Variants in RBM25 observed in about 807,000 individuals in gnomAD.
RBM25 encodes the protein RNA-binding protein 25.
Under a neutral mutation model 120.7 loss-of-function variants are expected in RBM25, and 19 were observed. The ratio of observed to expected loss-of-function variants is 0.16; its 90% CI spans 0.11 to 0.23. The LOEUF (loss-of-function observed/expected upper bound fraction) is 0.23. Among genes scored for constraint, RBM25 ranks in the 10% least tolerant of loss-of-function variants. RBM25 has a pLI of 1.00. For missense variants in RBM25, 605 were observed against 1,041.5 expected, an observed-to-expected ratio of 0.58 and a Z score of 5.77; for synonymous variants, 390 against 326.7, an observed-to-expected ratio of 1.19 and a Z score of -2.09.
intron 7 of RBM25, among the ~76,000 whole-genome samples, chr14:73,098,576 GATAC>G (rs1236446387): frequency 6.6e-6 from 1 of 152,122 alleles, no homozygotes; most frequent in East Asian, 1.9e-4. Context: ...TTTGTGGCCA[GATAC>G]ATACATTTTT....
chr14:73,104,223 A>G (rs971538736), intron 10 of RBM25, among the ~76,000 whole-genome samples: 4 of 151,996 alleles, frequency 2.6e-5, no homozygotes, highest in African/African-American at 9.7e-5. Flanking sequence ...TTTAGCCCCT[A>G]GCATTTTTAT....
At chr14:73,115,460 A>T (rs1453804305) in intron 18 of RBM25, among the ~76,000 whole-genome samples, 2 of 152,188 alleles carry the variant, frequency 1.3e-5, no homozygotes, top group Non-Finnish European at 2.9e-5. Context: ...TTTGCTAAGG[A>T]TAGTGGCCTC....
In RBM25 at chr14:73,123,651, G is replaced by A. The variant is rs2140473108; in HGVS notation, c.*3846G>A. 6.6e-6 allele frequency: 1 copy of A among 152,262 alleles called. No individual in the cohort carries two copies. The allele number at this position is 152,262 out of a possible 1,614,324, so 9.4% of individuals were successfully genotyped here. ...TAACAATCATACTATAGAGCGAAGT[G>A]AACTTACACTTTTTGATAAACTGAT... is the stretch of plus-strand genomic sequence containing the variant. On this transcript the variant is annotated 3_prime_UTR_variant, in exon 19 of 19. Transcript: ENST00000261973.
In RBM25 at chr14:73,083,564, T is replaced by G; in HGVS notation, c.382+13T>G. 1 of 1,563,152 alleles carries G rather than the reference T, an allele frequency of 6.4e-7. No homozygotes were observed. Among genetic ancestry groups the G allele is most frequent in the Non-Finnish European group, 8.6e-7 (1 of 1,162,358 alleles). On this transcript the variant is annotated intron_variant, in intron 5 of 18. Transcript: ENST00000261973. ...GGAAAGCTTCAAGGTATGTCATTTT[T>G]TTCCTTATTTGCTGAAATCACTTTA... is the stretch of plus-strand genomic sequence containing the variant.
At chr14:73,081,886 T>C (rs556720593) in intron 4 of RBM25, among the ~76,000 whole-genome samples, 2 of 152,208 alleles carry the variant, frequency 1.3e-5, no homozygotes, top group Non-Finnish European at 2.9e-5. Flanking sequence ...TTTGACTGAT[T>C]GGAGGTTTTA....
intron 7 of RBM25, 33 bp downstream of exon 7, chr14:73,097,133 C>G: frequency 1.4e-6 from 2 of 1,465,484 alleles, no homozygotes. Context: ...ATCATTTCTA[C>G]CGTTTGTTTT....
chr14:73,119,419 C>T (rs1896500449), intron 18 of RBM25, among the ~76,000 whole-genome samples: 1 of 152,106 alleles, frequency 6.6e-6, no homozygotes, highest in African/African-American at 2.4e-5. Flanking sequence ...GCGCACGCTG[C>T]CATGCCCAGC....
chr14:73,091,637 C>T (rs532895837), intron 6 of RBM25, among the ~76,000 whole-genome samples: 57 of 151,932 alleles, frequency 3.8e-4, no homozygotes, highest in African/African-American at 1.3e-3. Flanking sequence ...TTTGGGAGGC[C>T]GAGGTCGGAG....
chr14:73,113,136 C>G (rs888657524), intron 17 of RBM25, among the ~76,000 whole-genome samples: 2 of 152,102 alleles, frequency 1.3e-5, no homozygotes, highest in African/African-American at 4.8e-5. Flanking sequence ...TCCCCTAGCT[C>G]CCCACCCGCC....
intron 4 of RBM25, among the ~76,000 whole-genome samples, chr14:73,081,206 C>T (rs1305677938): frequency 6.7e-6 from 1 of 148,438 alleles, no homozygotes; most frequent in Non-Finnish European, 1.5e-5. Flanking sequence ...GTGGCACGAT[C>T]TCAGCTCACT....
Position 73,071,323 on chromosome 14 carries a change from G to A in RBM25, c.-15-304G>A, listed in dbSNP as rs567957532. Among the ~76,000 whole-genome samples, 27 of 150,396 alleles carry A rather than the reference G, an allele frequency of 1.8e-4. 1 individual carries two copies. The highest frequency in any genetic ancestry group is 4.2e-4 in the South Asian group (2 of 4,794). On this transcript the variant is annotated intron_variant, in intron 1 of 18. Transcript: ENST00000261973. ...TTCTCAGTTTGGTCTAAAAAGATTC[G>A]TTTATGTGTGGTATTTAATTTTTGG...
At chr14:73,112,805 T>C (rs527899419) in intron 17 of RBM25, among the ~76,000 whole-genome samples, 3 of 152,168 alleles carry the variant, frequency 2.0e-5, no homozygotes, top group South Asian at 4.2e-4. Context: ...TTGTTTTTTG[T>C]TTTTGTTTTT....
chr14:73,060,252 TG>T (rs1225065127), intron 1 of RBM25, among the ~76,000 whole-genome samples: 1 of 151,384 alleles, frequency 6.6e-6, no homozygotes, highest in Non-Finnish European at 1.5e-5. Context: ...TTGGCCAGAA[TG>T]GTCTCGATTT....
chr14:73,098,503 A>G (rs915601309), intron 7 of RBM25, among the ~76,000 whole-genome samples: 12 of 152,180 alleles, frequency 7.9e-5, no homozygotes, highest in Non-Finnish European at 1.6e-4. Context: ...TTAGTTATGA[A>G]TGGATGGTTA....
chr14:73,097,887 C>G (rs746722308), intron 7 of RBM25, among the ~76,000 whole-genome samples: 1 of 152,132 alleles, frequency 6.6e-6, no homozygotes, highest in Non-Finnish European at 1.5e-5. Flanking sequence ...GCTAATTGTC[C>G]AGGTTGAAAG....
At chr14:73,061,282 C>T (rs1895000165) in intron 1 of RBM25, among the ~76,000 whole-genome samples, 1 of 150,996 alleles carries the variant, frequency 6.6e-6, no homozygotes, top group Non-Finnish European at 1.5e-5. Context: ...GGTCTTGGAA[C>T]TTCTGACCTC....
At chr14:73,109,068 C>G (rs1014530923) in intron 13 of RBM25, 2 of 196,980 alleles carry the variant, frequency 1.0e-5, no homozygotes, top group African/African-American at 4.7e-5. Context: ...TGTGAGCTCT[C>G]TTTCTGAAAG....
At chr14:73,091,127 G>A (rs187381336) in intron 6 of RBM25, among the ~76,000 whole-genome samples, 4 of 152,280 alleles carry the variant, frequency 2.6e-5, no homozygotes, top group Admixed American at 2.6e-4. Flanking sequence ...ATTTGCAAAT[G>A]TTATACTGAA....
chr14:73,095,586 A>G (rs1895924949), intron 6 of RBM25, among the ~76,000 whole-genome samples: 1 of 151,576 alleles, frequency 6.6e-6, no homozygotes, highest in Non-Finnish European at 1.5e-5. Flanking sequence ...CAGCCTGGGC[A>G]ACAGAGCAAG....
Sources: gnomAD v4.1 joint callset for allele counts (sites outside exome capture counted in the v4.1 genomes callset) on GRCh38, gnomAD v4.1.1 for gene constraint, MANE v1.5 for transcripts, NCBI Gene and HGNC (gene_info 2026-07-23, HGNC 2026-07-21) for gene names.